The following DYNC2H1 variants were observed in gnomAD, a reference collection of about 807,000 sequenced individuals.
DYNC2H1 encodes cytoplasmic dynein 2 heavy chain 1.
A neutral mutation model predicts 570.0 loss-of-function variants in DYNC2H1; 410 were observed. That is an observed-to-expected ratio of 0.72 (90% confidence interval 0.66 to 0.78). The LOEUF (loss-of-function observed/expected upper bound fraction) is 0.78. DYNC2H1 is among the 30% of genes least tolerant of loss of function. The pLI is 0.00. For missense variants in DYNC2H1, 4,865 were observed against 5,046.4 expected (o/e 0.96, Z 1.09); for synonymous variants, 1,688 against 1,677.6 (o/e 1.01, Z -0.15).
intron 12 of DYNC2H1, among the ~76,000 whole-genome samples, chr11:103,128,591 A>C (rs911058321): frequency 6.6e-6 from 1 of 152,224 alleles, no homozygotes; most frequent in Non-Finnish European, 1.5e-5. Context: ...GGAATTAAGA[A>C]TTTAGTTTTT....
rs1860060694 is a variant in DYNC2H1 at position 103,143,333 on chromosome 11, T to G, written c.2640T>G (p.His880Gln). The change falls in exon 18 of 89, where the codon CAT becomes CAG. Residue 880 changes from histidine to glutamine, a missense_variant. Transcript: ENST00000375735. ...ALVEKHLFTV[H>Q]DWEKNFKALK... ...TGGAAAAGCATCTTTTTACTGTACA[T>G]GATTGGGAGAAAAATTTTAAAGCAT... The G allele has an allele frequency of 1.9e-6, 3 of 1,613,050 alleles. No homozygotes were observed. The highest frequency in any genetic ancestry group is 1.7e-6 in the Non-Finnish European group (2 of 1,179,600).
chr11:103,188,701 A>G (rs1214189035), intron 44 of DYNC2H1, 53 bp downstream of exon 44: 2 of 1,302,110 alleles, frequency 1.5e-6, no homozygotes, highest in South Asian at 2.2e-5. Context: ...TCATATATAA[A>G]TGAATTTTAT....
Position 103,176,234 on chromosome 11 carries a change from G to A in DYNC2H1, c.5675-1G>A, listed in dbSNP as rs1370398622. 1.4e-6 allele frequency: 2 copies of A among 1,468,152 alleles called. No individual in the cohort carries two copies. Among genetic ancestry groups the A allele is most frequent in the Non-Finnish European group, 1.8e-6 (2 of 1,116,738 alleles). 90.9% of individuals were successfully genotyped at this position (1,468,152 alleles called of 1,614,324 possible). On this transcript the variant is annotated splice_acceptor_variant, in intron 36 of 88. Coordinates refer to ENST00000375735, the MANE Select transcript of DYNC2H1 (RefSeq NM_001377.3). LOFTEE classifies it high-confidence loss of function. Reference sequence around the variant, plus strand: ...AATTTTAAAATGAAACTTTTTTCTAGCTAATGAAAGTCATATTGTGGTACA... The same window carrying A: ...AATTTTAAAATGAAACTTTTTTCTAACTAATGAAAGTCATATTGTGGTACA...
intron 70 of DYNC2H1, among the ~76,000 whole-genome samples, chr11:103,272,595 A>T (rs1242415910): frequency 6.6e-6 from 1 of 152,196 alleles, no homozygotes; most frequent in Non-Finnish European, 1.5e-5. Context: ...TAAATAAATA[A>T]AAAAGAAATT....
At chr11:103,287,384 C>T in intron 74 of DYNC2H1, 149 bp from the exon 75 acceptor site, 3 of 609,952 alleles carry the variant, frequency 4.9e-6, no homozygotes, top group Non-Finnish European at 8.3e-6. Context: ...CCTATTGTGA[C>T]AGTTTAAAGC....
At chr11:103,116,234 C>G (rs755282112) in intron 4 of DYNC2H1, among the ~76,000 whole-genome samples, 5 of 151,912 alleles carry the variant, frequency 3.3e-5, no homozygotes, top group Non-Finnish European at 5.9e-5. Flanking sequence ...TAAAGACATG[C>G]GAACTACAGT....
intron 35 of DYNC2H1, 65 bp from the exon 36 acceptor site, chr11:103,173,990 G>T: frequency 1.8e-6 from 2 of 1,112,374 alleles, no homozygotes; most frequent in Middle Eastern, 2.0e-4. Flanking sequence ...TATTTCTTTG[G>T]ATGTTATGAT....
chr11:103,283,701 T>C (rs762923076), intron 73 of DYNC2H1, among the ~76,000 whole-genome samples: 4 of 152,140 alleles, frequency 2.6e-5, no homozygotes, highest in Admixed American at 2.0e-4. Context: ...TTAAGGCACA[T>C]AGAGATATAG....
intron 60 of DYNC2H1, 73 bp from the exon 61 acceptor site, chr11:103,233,961 T>C (rs531015819): frequency 2.1e-4 from 301 of 1,450,750 alleles, no homozygotes; most frequent in Non-Finnish European, 2.7e-4. Flanking sequence ...GTTTACTTTA[T>C]TACCTATGGA....
intron 82 of DYNC2H1, among the ~76,000 whole-genome samples, chr11:103,332,204 T>C (rs761035038): frequency 1.1e-4 from 16 of 151,498 alleles, no homozygotes; most frequent in Non-Finnish European, 2.2e-4. Flanking sequence ...AGATGAAGAC[T>C]GTCTTCAACA....
In DYNC2H1 at chr11:103,145,804, A is replaced by G. The variant is rs973455658; in HGVS notation, c.2703-1968A>G. Among the ~76,000 whole-genome samples the G allele has an allele frequency of 6.6e-6, 1 of 152,208 alleles. No homozygotes were observed. The highest frequency in any genetic ancestry group is 2.4e-5 in the African/African-American group (1 of 41,452). ...ATGCATCTTTGATATATAATGAGTC[A>G]TCTTCCATTTCTATCTATGGCTGAA... On this transcript the variant is annotated intron_variant, in intron 18 of 88. Coordinates refer to ENST00000375735, the MANE Select transcript of DYNC2H1 (RefSeq NM_001377.3). This position sits in a 1 kb window ranked among gnomAD's most constrained non-coding sequence, Gnocchi z 4.2.
At chr11:103,296,898 T>C (rs1467774605) in intron 75 of DYNC2H1, among the ~76,000 whole-genome samples, 1 of 152,154 alleles carries the variant, frequency 6.6e-6, no homozygotes, top group Admixed American at 6.6e-5. Context: ...TTGATTGTTA[T>C]GTTTCTTTTT....
chr11:103,292,342 CAAAGA>C (rs1229394418), intron 75 of DYNC2H1, among the ~76,000 whole-genome samples: 3 of 151,566 alleles, frequency 2.0e-5, no homozygotes, highest in Non-Finnish European at 2.9e-5. Flanking sequence ...ACTCTGATTA[CAAAGA>C]AAAGAAAAGA....
intron 84 of DYNC2H1, among the ~76,000 whole-genome samples, chr11:103,412,692 T>C (rs2135691426): frequency 6.6e-6 from 1 of 152,262 alleles, no homozygotes; most frequent in South Asian, 2.1e-4. Flanking sequence ...TAGTGGATCC[T>C]GTGTCTTTTA....
chr11:103,451,980 A>G (rs1944622406), intron 85 of DYNC2H1, among the ~76,000 whole-genome samples: 1 of 152,102 alleles, frequency 6.6e-6, no homozygotes, highest in Non-Finnish European at 1.5e-5. Context: ...CTTTTTAATG[A>G]AAGTCCACCA....
rs1938404433 is a variant in DYNC2H1, at chr11:103,325,102, C to G, written c.12039+1112C>G. ...AATTTCTTTAAGTTCCTTATAGATT[C>G]TGGACATTGGACCTTTGTTGAGTAC... is the stretch of plus-strand genomic sequence containing the variant. On this transcript the variant is annotated intron_variant, in intron 82 of 88. Transcript: ENST00000375735. This position sits in a 1 kb window ranked among gnomAD's most constrained non-coding sequence, Gnocchi z 4.8. 6.6e-6 allele frequency among the ~76,000 whole-genome samples: 1 copy of G among 152,076 alleles called. No individual in the cohort carries two copies. Among genetic ancestry groups the G allele is most frequent in the Admixed American group, 6.5e-5 (1 of 15,272 alleles).
intron 63 of DYNC2H1, among the ~76,000 whole-genome samples, 174 bp downstream of exon 63, chr11:103,236,713 T>C (rs1864237722): frequency 6.6e-6 from 1 of 151,980 alleles, no homozygotes; most frequent in Non-Finnish European, 1.5e-5. Context: ...AGACTTTCTG[T>C]ATAATTTATT....
intron 4 of DYNC2H1, among the ~76,000 whole-genome samples, chr11:103,116,117 A>T (rs1858377989): frequency 1.3e-5 from 2 of 151,434 alleles, no homozygotes; most frequent in Admixed American, 1.3e-4. Context: ...GACTGTTTTA[A>T]ATGGTTTTAA....
intron 84 of DYNC2H1, among the ~76,000 whole-genome samples, chr11:103,417,740 A>G (rs191264258): frequency 1.9e-4 from 29 of 152,012 alleles, no homozygotes; most frequent in Admixed American, 1.3e-4. Flanking sequence ...GCTGGGCATG[A>G]TGGCACGTGC....
Sources: gnomAD v4.1 joint callset for allele counts (sites outside exome capture counted in the v4.1 genomes callset) on GRCh38, gnomAD v4.1.1 for gene constraint, Gnocchi (gnomAD v3.1) non-coding constraint, MANE v1.5 for transcripts, NCBI Gene and HGNC (gene_info 2026-07-23, HGNC 2026-07-21) for gene names.